The following XIRP2 variants were observed in gnomAD, a reference collection of about 807,000 sequenced individuals.
XIRP2 encodes xin actin-binding repeat-containing protein 2.
A neutral mutation model predicts 277.0 loss-of-function variants in XIRP2; 236 were observed. The ratio of observed to expected loss-of-function variants is 0.85; its 90% CI spans 0.77 to 0.95. The LOEUF (loss-of-function observed/expected upper bound fraction) is 0.95. Among genes scored for constraint, XIRP2 ranks in the 40% least tolerant of loss-of-function variants. The pLI, the probability that XIRP2 is intolerant of heterozygous loss-of-function variation, is 0.00. For synonymous variants in XIRP2, 1,490 were observed against 1,416.5 expected (o/e 1.05, Z -1.17); for missense variants, 4,640 against 4,157.5 (o/e 1.12, Z -3.19).
rs1361500407 is a variant in XIRP2 at position 166,945,600 on chromosome 2, C to G, written c.408+41710C>G. 4.8e-5 allele frequency among the ~76,000 whole-genome samples: 7 copies of G among 146,830 alleles called. No homozygotes were observed. The East Asian group carries it at 1.4e-3, about 30-fold the overall frequency. ...TTTGGTATAAGAGGACTAAGTTCCT[C>G]AAAAGTATAAGACTCTAGAGCCTGT... On this transcript the variant is annotated intron_variant, in intron 2 of 10. Transcript: ENST00000409195.
intron 2 of XIRP2, among the ~76,000 whole-genome samples, chr2:167,126,713 T>C (rs528144606): frequency 1.3e-5 from 2 of 152,224 alleles, no homozygotes; most frequent in East Asian, 1.9e-4. Flanking sequence ...GGAAAAACCA[T>C]GGGGGCTGAC....
intron 2 of XIRP2, among the ~76,000 whole-genome samples, chr2:167,048,212 T>G (rs897548393): frequency 2.6e-5 from 4 of 151,972 alleles, no homozygotes; most frequent in Non-Finnish European, 5.9e-5. Context: ...ATATGCATTA[T>G]TTTTATTCTC....
chr2:167,159,681 T>TA (rs149003264), intron 3 of XIRP2, among the ~76,000 whole-genome samples: 14,989 of 152,032 alleles, frequency 0.099, 791 homozygotes, highest in South Asian at 0.15. Context: ...TTCATTAAAA[T>TA]AAAAAAACAA....
At chr2:167,033,853 A>G (rs1333608743) in intron 2 of XIRP2, among the ~76,000 whole-genome samples, 1 of 152,206 alleles carries the variant, frequency 6.6e-6, no homozygotes, top group Non-Finnish European at 1.5e-5. Flanking sequence ...TCAATACTAG[A>G]CCAGTCCTAC....
intron 2 of XIRP2, among the ~76,000 whole-genome samples, chr2:167,088,263 T>C (rs1690023763): frequency 6.6e-6 from 1 of 152,136 alleles, no homozygotes; most frequent in African/African-American, 2.4e-5. Context: ...TTGTCAGTAA[T>C]TTTTCATTAT....
intron 3 of XIRP2, among the ~76,000 whole-genome samples, chr2:167,178,834 T>G (rs1427353897): frequency 6.6e-6 from 1 of 152,204 alleles, no homozygotes; most frequent in East Asian, 1.9e-4. Flanking sequence ...CTAAGGCCCA[T>G]GGATGTTTTG....
chr2:167,019,266 T>C (rs1271520052), intron 2 of XIRP2, among the ~76,000 whole-genome samples: 3 of 151,696 alleles, frequency 2.0e-5, no homozygotes, highest in African/African-American at 7.3e-5. Context: ...AATCTAAGAG[T>C]CAATTATACA....
intron 2 of XIRP2, among the ~76,000 whole-genome samples, chr2:167,101,456 T>C (rs1406515598): frequency 6.6e-6 from 1 of 152,168 alleles, no homozygotes; most frequent in East Asian, 1.9e-4. Flanking sequence ...TTGTAGCCTT[T>C]CATCCCTCAC....
intron 1 of XIRP2, among the ~76,000 whole-genome samples, chr2:166,898,319 C>CA (rs1385204224): frequency 1.3e-5 from 2 of 152,206 alleles, no homozygotes; most frequent in Non-Finnish European, 1.5e-5. Flanking sequence ...ATTAAAAACT[C>CA]ACACAGGTAT....
At chr2:167,135,648 T>C (rs75567048) in intron 2 of XIRP2, among the ~76,000 whole-genome samples, 12,952 of 152,078 alleles carry the variant, frequency 0.085, 619 homozygotes, top group African/African-American at 0.12. Flanking sequence ...CTCTCTCTCT[T>C]TTATGAGAGA....
At chr2:166,933,745 G>T (rs1685414408) in intron 2 of XIRP2, among the ~76,000 whole-genome samples, 1 of 152,076 alleles carries the variant, frequency 6.6e-6, no homozygotes, top group African/African-American at 2.4e-5. Flanking sequence ...TAGGGTTGAG[G>T]AAGTTAACCA....
Position 167,245,465 on chromosome 2 carries a change from C to A in XIRP2, c.4073C>A (p.Pro1358Gln). The change falls in exon 9 of 11, where the codon CCA becomes CAA. Residue 1358 changes from proline (P) to glutamine (Q), a missense_variant. Coordinates refer to ENST00000409195, the MANE Select transcript of XIRP2 (RefSeq NM_152381.6). ...ACAAGGTGGCTTTTTGAAACAAAGC[C>A]ATTAGACTCTATTAATAAATCAGAA... ...RGTRWLFETK[P>Q]LDSINKSETV... 2 of 1,613,476 alleles carry A rather than the reference C, an allele frequency of 1.2e-6. No individual in the cohort carries two copies. Among genetic ancestry groups the A allele is most frequent in the East Asian group, 4.5e-5 (2 of 44,828 alleles).
Position 167,210,948 on chromosome 2 carries a change from A to G in XIRP2, c.723+53A>G, listed in dbSNP as rs961094766. ...AGGCAATGTGCTTACTGTCTGTCCCAATTCCCTCTTTATATTTGAAATGTA... is the reference window on the plus strand; with the variant it reads ...AGGCAATGTGCTTACTGTCTGTCCCGATTCCCTCTTTATATTTGAAATGTA... On this transcript the variant is annotated intron_variant, in intron 4 of 10. Coordinates refer to ENST00000409195, the MANE Select transcript of XIRP2 (RefSeq NM_152381.6). 7.2e-5 allele frequency: 115 copies of G among 1,594,288 alleles called. 2 individuals carry two copies. The South Asian group carries it at 1.2e-3, about 17-fold the overall frequency.
rs1214146050 is a variant in XIRP2, at chr2:167,245,507, A to C, written c.4115A>C (p.Lys1372Thr). ...AAATCAGAAACTGTGTATGTTATTA[A>C]ATCTGTCACACAAGAAGACATTCAG... is the stretch of plus-strand genomic sequence containing the variant. ...INKSETVYVI[K>T]SVTQEDIQKG... Residue 1372 changes from lysine (K) to threonine (T), a missense_variant, in exon 9 of 11, where the codon AAA becomes ACA. Lys to Thr is a moderately conservative substitution (Grantham distance 78). Coordinates refer to ENST00000409195, the MANE Select transcript of XIRP2 (RefSeq NM_152381.6). 1.2e-6 allele frequency: 2 copies of C among 1,613,586 alleles called. No homozygotes were observed. Among genetic ancestry groups the C allele is most frequent in the Admixed American group, 3.3e-5 (2 of 59,986 alleles).
At chr2:167,191,583 G>C (rs116568976) in intron 3 of XIRP2, among the ~76,000 whole-genome samples, 2,084 of 152,188 alleles carry the variant, frequency 0.014, 56 homozygotes, top group African/African-American at 0.048. Flanking sequence ...TTGTGGAAAA[G>C]GAGACCTGTC....
intron 2 of XIRP2, among the ~76,000 whole-genome samples, chr2:167,081,056 T>C (rs887453199): frequency 6.6e-6 from 1 of 152,156 alleles, no homozygotes; most frequent in Non-Finnish European, 1.5e-5. Context: ...TTTAAATTTA[T>C]GCAAGGGGTA....
At chr2:167,034,408 A>C (rs1297487470) in intron 2 of XIRP2, among the ~76,000 whole-genome samples, 2 of 152,116 alleles carry the variant, frequency 1.3e-5, no homozygotes, top group Non-Finnish European at 2.9e-5. Context: ...AGAAATCACA[A>C]AATGGCAGTA....
intron 2 of XIRP2, among the ~76,000 whole-genome samples, chr2:167,056,235 A>G (rs556146411): frequency 5.3e-5 from 8 of 152,206 alleles, no homozygotes; most frequent in African/African-American, 9.6e-5. Flanking sequence ...AACTGGGGGG[A>G]AAATAGGGCA....
At chr2:167,033,541 T>C (rs1287094390) in intron 2 of XIRP2, among the ~76,000 whole-genome samples, 1 of 152,152 alleles carries the variant, frequency 6.6e-6, no homozygotes, top group African/African-American at 2.4e-5. Context: ...CAAGCAGATT[T>C]TACCCAAATA....
Sources: allele counts gnomAD v4.1 joint callset (sites outside exome capture counted in the v4.1 genomes callset), GRCh38; gene constraint gnomAD v4.1.1; transcripts MANE v1.5; gene names NCBI Gene and HGNC (gene_info 2026-07-23, HGNC 2026-07-21).